PRKN: variants seen among roughly 807,000 people sequenced by gnomAD.
The protein encoded by PRKN is parkin RBR E3 ubiquitin protein ligase, also known as E3 ubiquitin-protein ligase parkin.
A neutral mutation model predicts 59.5 loss-of-function variants in PRKN; 56 were observed. That is an observed-to-expected ratio of 0.94 (90% CI 0.76 to 1.18). The LOEUF (loss-of-function observed/expected upper bound fraction) is 1.18, where lower values mean the gene tolerates loss of function less well. Ranked by LOEUF, PRKN falls within the 50% of genes most tolerant of loss-of-function variation. The probability of loss-of-function intolerance (pLI) is 0.00; values close to 1 mark genes in which losing one functional copy is unlikely to be tolerated. For missense variants in PRKN, 657 were observed against 596.4 expected, an observed-to-expected ratio of 1.10 and a Z score of -1.06; for synonymous variants, 250 against 222.1, an observed-to-expected ratio of 1.13 and a Z score of -1.12.
intron 4 of PRKN, among the ~76,000 whole-genome samples, chr6:162,153,438 T>C (rs138079001): frequency 2.6e-5 from 4 of 152,206 alleles, no homozygotes; most frequent in Non-Finnish European, 5.9e-5. Context: ...CAATGCTCTC[T>C]TAGGTCTGCT....
chr6:162,274,058 C>T (rs1780501157), intron 2 of PRKN, among the ~76,000 whole-genome samples: 1 of 151,882 alleles, frequency 6.6e-6, no homozygotes, highest in Non-Finnish European at 1.5e-5. Context: ...ATTTATGTGT[C>T]CATAATTTTA....
chr6:162,285,133 C>T (rs867990001), intron 2 of PRKN, among the ~76,000 whole-genome samples: 2 of 152,154 alleles, frequency 1.3e-5, no homozygotes, highest in African/African-American at 4.8e-5. Flanking sequence ...AGAAAATAAA[C>T]ATATTATTTA....
intron 6 of PRKN, among the ~76,000 whole-genome samples, chr6:161,874,393 T>C (rs370653485): frequency 8.4e-5 from 7 of 83,232 alleles, no homozygotes; most frequent in African/African-American, 1.0e-4. Context: ...ATATATATTA[T>C]ATGTAAAATA....
chr6:161,996,191 C>CAA (rs1484566493), intron 5 of PRKN, among the ~76,000 whole-genome samples: 1 of 151,958 alleles, frequency 6.6e-6, no homozygotes, highest in East Asian at 1.9e-4. Context: ...CACACACACA[C>CAA]ACATACACAC....
At chr6:161,482,940 C>T (rs1791477491) in intron 9 of PRKN, among the ~76,000 whole-genome samples, 1 of 152,170 alleles carries the variant, frequency 6.6e-6, no homozygotes, top group African/African-American at 2.4e-5. Flanking sequence ...TTTAATGTTT[C>T]ATAGCTTTTT....
At chr6:162,116,122 A>G (rs952116678) in intron 4 of PRKN, among the ~76,000 whole-genome samples, 1 of 152,204 alleles carries the variant, frequency 6.6e-6, no homozygotes, top group Non-Finnish European at 1.5e-5. Context: ...ATTACCCTTG[A>G]GCAGGGGGTA....
chr6:161,612,798 G>A (rs1782536502), intron 7 of PRKN, among the ~76,000 whole-genome samples: 1 of 151,180 alleles, frequency 6.6e-6, no homozygotes. Flanking sequence ...GACAGGATGA[G>A]AGCACATTTG....
At chr6:162,376,994 G>A (rs1424092432) in intron 2 of PRKN, among the ~76,000 whole-genome samples, 1 of 152,002 alleles carries the variant, frequency 6.6e-6, no homozygotes, top group Non-Finnish European at 1.5e-5. Context: ...AACAACTTGA[G>A]TCATGCGCTG....
At chr6:161,350,969 A>G (rs1211993037) in intron 11 of PRKN, among the ~76,000 whole-genome samples, 1 of 52,092 alleles carries the variant, frequency 1.9e-5, no homozygotes, top group African/African-American at 8.8e-5. Flanking sequence ...TTTAAAATAT[A>G]TATAAATATA....
chr6:161,681,211 C>T (rs982452719), intron 7 of PRKN, among the ~76,000 whole-genome samples: 2 of 152,170 alleles, frequency 1.3e-5, no homozygotes, highest in Non-Finnish European at 2.9e-5. Flanking sequence ...ACCTGCCCAC[C>T]TGTGCCTCCC....
rs1363463930 is a variant in PRKN at position 161,570,132 on chromosome 6, A to T, written c.872-716T>A. ...CAAAGTAAGTAAATAGGTAAAAAAA[A>T]AAAAAAAAAAAAAAATATATATATA... On this transcript the variant is annotated intron_variant, in intron 7 of 11. Coordinates refer to ENST00000366898, the MANE Select transcript of PRKN (RefSeq NM_004562.3). Among the ~76,000 whole-genome samples the T allele has an allele frequency of 3.0e-3, 391 of 128,352 alleles. 2 individuals are homozygous for T. Among genetic ancestry groups the T allele is most frequent in the African/African-American group, 0.013 (379 of 30,254 alleles). The allele number at this position is 128,352 out of a possible 152,430, so 84.2% of individuals were successfully genotyped here. A position where few individuals can be genotyped will look rare whatever the true frequency, so the allele number is the denominator to read the frequency against.
At position 161,678,216 on chromosome 6, in the gene PRKN, CTTTTTTTT is replaced by C. The variant is rs3066554; in HGVS notation, c.871+107548_871+107555del. Among the ~76,000 whole-genome samples the C allele has an allele frequency of 9.0e-3, 585 of 64,900 alleles. 7 individuals carry two copies. Among genetic ancestry groups the C allele is most frequent in the Middle Eastern group, 0.024 (2 of 82 alleles). The allele number at this position is 64,900 out of a possible 152,430, so 42.6% of individuals were successfully genotyped here. A position where few individuals can be genotyped will look rare whatever the true frequency, so the allele number is the denominator to read the frequency against. ...TTATGGTAATAACAATACTGAATCA[CTTTTTTTT>C]TTTTTTTTTTTTTTTTTTTTTTTTG... On this transcript the variant is annotated intron_variant, in intron 7 of 11. Transcript: ENST00000366898.
intron 7 of PRKN, among the ~76,000 whole-genome samples, chr6:161,765,284 C>T (rs1789376585): frequency 6.6e-6 from 1 of 152,094 alleles, no homozygotes; most frequent in Non-Finnish European, 1.5e-5. Context: ...GTCTCTGAAC[C>T]CGGGTTTTCT....
intron 1 of PRKN, among the ~76,000 whole-genome samples, chr6:162,513,460 T>G (rs1451145765): frequency 8.9e-6 from 1 of 112,884 alleles, no homozygotes. Flanking sequence ...GGCAACAGAG[T>G]GAGATTCTGA....
intron 7 of PRKN, among the ~76,000 whole-genome samples, chr6:161,653,561 T>C (rs1270592212): frequency 6.6e-6 from 1 of 152,222 alleles, no homozygotes; most frequent in East Asian, 1.9e-4. Context: ...ATGAATTTCA[T>C]GTAGTTCCCT....
At chr6:162,501,263 A>C (rs1207804324) in intron 1 of PRKN, among the ~76,000 whole-genome samples, 1 of 152,128 alleles carries the variant, frequency 6.6e-6, no homozygotes, top group Non-Finnish European at 1.5e-5. Flanking sequence ...GATGGGGAAA[A>C]ATGTAAATAT....
intron 1 of PRKN, among the ~76,000 whole-genome samples, chr6:162,567,551 G>A (rs1780134559): frequency 6.6e-6 from 1 of 151,896 alleles, no homozygotes; most frequent in African/African-American, 2.4e-5. Flanking sequence ...TAAATTCTTA[G>A]GAATTACCCA....
intron 3 of PRKN, among the ~76,000 whole-genome samples, chr6:162,258,056 G>A (rs1779726651): frequency 6.6e-6 from 1 of 152,164 alleles, no homozygotes; most frequent in Non-Finnish European, 1.5e-5. Flanking sequence ...ACGAGTTGCT[G>A]TCGCCTCTGC....
At chr6:161,880,773 C>T (rs879828072) in intron 6 of PRKN, among the ~76,000 whole-genome samples, 1 of 152,120 alleles carries the variant, frequency 6.6e-6, no homozygotes, top group Non-Finnish European at 1.5e-5. Flanking sequence ...ATTGAAGAGT[C>T]GGTGGTGACC....
Sources: allele counts gnomAD v4.1 joint callset (sites outside exome capture counted in the v4.1 genomes callset), GRCh38; gene constraint gnomAD v4.1.1; transcripts MANE v1.5; gene names NCBI Gene and HGNC (gene_info 2026-07-23, HGNC 2026-07-21).